The following CPS1 variants were observed in gnomAD, a reference collection of about 807,000 sequenced individuals.
CPS1 encodes carbamoyl-phosphate synthase [ammonia], mitochondrial.
In CPS1, 109 loss-of-function variants were observed where a neutral mutation model predicts 174.6. That is an observed-to-expected ratio of 0.62 (90% CI 0.53 to 0.73). The LOEUF (loss-of-function observed/expected upper bound fraction) is 0.73, where lower values mean the gene tolerates loss of function less well. CPS1 is among the 30% of genes least tolerant of loss of function. CPS1 has a pLI of 0.00. For synonymous variants in CPS1, 637 were observed against 632.0 expected (o/e 1.01, Z -0.12); for missense variants, 1,689 against 1,821.9 (o/e 0.93, Z 1.33).
intron 1 of CPS1, among the ~76,000 whole-genome samples, chr2:210,559,166 G>C (rs532789762): frequency 6.6e-6 from 1 of 152,146 alleles, no homozygotes; most frequent in East Asian, 1.9e-4. Context: ...TTTAAAGATA[G>C]TTAAAATCAT....
rs1450701200 is a variant in CPS1, at chr2:210,513,064, A to T, written c.3+35298A>T. ...TATGGAGATATATATATATGGAGAT[A>T]TATATGTGGAGATATATATATGGAG... On this transcript the variant is annotated intron_variant, in intron 1 of 38. Transcript: ENST00000430249. Among the ~76,000 whole-genome samples the T allele has an allele frequency of 2.2e-4, 5 of 23,084 alleles. 2 individuals carry two copies. Among genetic ancestry groups the T allele is most frequent in the Non-Finnish European group, 6.2e-4 (5 of 8,082 alleles). 15.1% of individuals were successfully genotyped at this position (23,084 alleles called of 152,430 possible).
chr2:210,634,758 G>T (rs1294716405), intron 21 of CPS1, among the ~76,000 whole-genome samples: 3 of 152,146 alleles, frequency 2.0e-5, no homozygotes, highest in African/African-American at 7.2e-5. Flanking sequence ...GGCAGGACAG[G>T]TCTGATACAG....
intron 2 of CPS1, 129 bp downstream of exon 2, chr2:210,573,536 GCCTT>G: frequency 1.2e-5 from 9 of 761,846 alleles, no homozygotes; most frequent in South Asian, 3.0e-5. Flanking sequence ...GTTGCACCAT[GCCTT>G]GTGCATAGCC....
intron 1 of CPS1, among the ~76,000 whole-genome samples, chr2:210,497,893 C>T (rs35013022): frequency 0.17 from 14,720 of 86,296 alleles, 1,697 homozygotes; most frequent in Admixed American, 0.25. Context: ...TATATACATA[C>T]ATATATATAT....
intron 1 of CPS1, among the ~76,000 whole-genome samples, chr2:210,500,920 C>T (rs1049542239): frequency 6.6e-6 from 1 of 152,204 alleles, no homozygotes; most frequent in African/African-American, 2.4e-5. Flanking sequence ...TCTAACCCTA[C>T]AGCAAATTTC....
Position 210,639,039 on chromosome 2 carries a change from C to T in CPS1, c.2830-111C>T, listed in dbSNP as rs1200684020. The T allele has an allele frequency of 3.8e-6, 3 of 797,136 alleles. No individual in the cohort carries two copies. In the African/African-American group the frequency reaches 5.2e-5, roughly 14 times the overall value. 49.4% of individuals were successfully genotyped at this position (797,136 alleles called of 1,614,324 possible). A position where few individuals can be genotyped will look rare whatever the true frequency, so the allele number is the denominator to read the frequency against. ...GGTCATACATTTTCCTGTTTGCATA[C>T]TTTACAGTAATAGGAATTAAAGGAA... is the stretch of plus-strand genomic sequence containing the variant. On this transcript the variant is annotated intron_variant, in intron 22 of 37. Transcript: ENST00000233072.
chr2:210,549,746 T>C (rs1696673569), intron 1 of CPS1, among the ~76,000 whole-genome samples: 1 of 152,038 alleles, frequency 6.6e-6, no homozygotes, highest in Non-Finnish European at 1.5e-5. Context: ...TATGTAAAAC[T>C]ATCTAGGGAA....
chr2:210,533,994 A>T lies in CPS1; in HGVS notation c.4-22725A>T, dbSNP rs559557718. Among the ~76,000 whole-genome samples, 10 of 152,302 alleles carry T rather than the reference A, an allele frequency of 6.6e-5. No homozygotes were observed. The East Asian group carries it at 1.9e-3, about 29-fold the overall frequency. Reference sequence around the variant, plus strand: ...GTTTAATGAGACAGTGAATCGTTGAATTAAGCCAGTGTCCTTAAGCTGCCC... The same window carrying T: ...GTTTAATGAGACAGTGAATCGTTGATTTAAGCCAGTGTCCTTAAGCTGCCC... On this transcript the variant is annotated intron_variant, in intron 1 of 38. Transcript: ENST00000430249.
Position 210,533,572 on chromosome 2 carries a change from G to C in CPS1, c.4-23147G>C, listed in dbSNP as rs1338868566. Among the ~76,000 whole-genome samples the C allele has an allele frequency of 4.6e-5, 7 of 152,272 alleles. No homozygotes were observed. The South Asian group carries it at 1.5e-3, about 32-fold the overall frequency. On this transcript the variant is annotated intron_variant, in intron 1 of 38. Coordinates refer to the CPS1 transcript ENST00000430249. Reference sequence around the variant, plus strand: ...CTCGAGTCTGTGTTCTCCGGTACAAGCTTCACAAAGGAGGGCATTTCCTAA... The same window carrying C: ...CTCGAGTCTGTGTTCTCCGGTACAACCTTCACAAAGGAGGGCATTTCCTAA...
intron 17 of CPS1, among the ~76,000 whole-genome samples, chr2:210,605,763 A>G (rs1411243531): frequency 2.6e-5 from 4 of 151,932 alleles, no homozygotes; most frequent in Admixed American, 2.6e-4. Context: ...ATAAAATAGA[A>G]ATAAATAAGT....
intron 23 of CPS1, 113 bp from the exon 24 acceptor site, chr2:210,639,883 A>C (rs1041357175): frequency 7.7e-6 from 6 of 776,188 alleles, no homozygotes; most frequent in Admixed American, 1.9e-5. Context: ...TAGAGAATAC[A>C]TGTTAACAAG....
chr2:210,632,711 T>C (rs1292959316), intron 21 of CPS1, among the ~76,000 whole-genome samples: 1 of 152,174 alleles, frequency 6.6e-6, no homozygotes, highest in Non-Finnish European at 1.5e-5. Flanking sequence ...GTGAGGAGGA[T>C]TGCTAAGTGT....
At chr2:210,518,839 T>C (rs1372980050) in intron 1 of CPS1, among the ~76,000 whole-genome samples, 5 of 152,068 alleles carry the variant, frequency 3.3e-5, no homozygotes, top group African/African-American at 1.2e-4. Context: ...GCTGAACCTT[T>C]CCAGGTGGGT....
upstream of CPS1, among the ~76,000 whole-genome samples, chr2:210,554,345 A>G (rs867780828): frequency 2.0e-5 from 3 of 151,572 alleles, no homozygotes; most frequent in South Asian, 2.1e-4. Flanking sequence ...ATGAAAGCCC[A>G]TTAAAACTCT....
At chr2:210,594,223 A>G (rs1476571103) in intron 11 of CPS1, among the ~76,000 whole-genome samples, 2 of 151,948 alleles carry the variant, frequency 1.3e-5, no homozygotes, top group South Asian at 2.1e-4. Context: ...CAAATGATAT[A>G]CAATTTACTA....
At chr2:210,568,518 G>T (rs907411216) in intron 1 of CPS1, among the ~76,000 whole-genome samples, 10 of 152,066 alleles carry the variant, frequency 6.6e-5, no homozygotes, top group African/African-American at 2.4e-4. Context: ...CATATAGTGT[G>T]AAGTTAATTC....
At chr2:210,478,154 A>G (rs184151356) in intron 1 of CPS1, among the ~76,000 whole-genome samples, 52 of 152,324 alleles carry the variant, frequency 3.4e-4, no homozygotes, top group African/African-American at 1.2e-3. Flanking sequence ...AATTTCCCCA[A>G]TGTTGTTAGA....
In CPS1 at chr2:210,595,168, T is replaced by A. The variant is rs1454848406; in HGVS notation, c.1264-319T>A. Among the ~76,000 whole-genome samples the A allele has an allele frequency of 5.9e-5, 9 of 151,918 alleles. No homozygotes were observed. In the South Asian group the frequency reaches 1.9e-3, roughly 31 times the overall value. On this transcript the variant is annotated intron_variant, in intron 12 of 37. Transcript: ENST00000233072. ...AAATTTAGAAGGATATATGTGTATT[T>A]GAAAAAATACCACACATAGATATAT...
intron 20 of CPS1, among the ~76,000 whole-genome samples, chr2:210,614,339 G>C (rs1480371590): frequency 6.6e-6 from 1 of 151,722 alleles, no homozygotes; most frequent in South Asian, 2.1e-4. Flanking sequence ...TTGGTATTAC[G>C]AATAGTGCTG....
Sources: gnomAD v4.1 joint callset for allele counts (sites outside exome capture counted in the v4.1 genomes callset) on GRCh38, gnomAD v4.1.1 for gene constraint, MANE v1.5 for transcripts, NCBI Gene and HGNC (gene_info 2026-07-23, HGNC 2026-07-21) for gene names.